NPC1: variants seen among roughly 807,000 people sequenced by gnomAD.
NPC1 encodes the protein NPC intracellular cholesterol transporter 1.
A neutral mutation model predicts 140.4 loss-of-function variants in NPC1; 85 were observed. That is an observed-to-expected ratio of 0.61 (90% CI 0.51 to 0.72). The LOEUF (loss-of-function observed/expected upper bound fraction) is 0.72. Ranked by LOEUF, NPC1 falls within the 30% of genes least tolerant of loss-of-function variation. The pLI is 0.00. For synonymous variants in NPC1, 656 were observed against 624.8 expected, an observed-to-expected ratio of 1.05 and a Z score of -0.74; for missense variants, 1,504 against 1,623.8, an observed-to-expected ratio of 0.93 and a Z score of 1.27.
intron 4 of NPC1, among the ~76,000 whole-genome samples, chr18:23,565,094 A>C (rs2059104052): frequency 6.6e-6 from 1 of 152,142 alleles, no homozygotes; most frequent in Admixed American, 6.5e-5. Context: ...GAGAAGTGTG[A>C]GTCTTCCTAT....
chr18:23,533,862 G>T (rs954997864), intron 23 of NPC1: 8 of 372,458 alleles, frequency 2.1e-5, no homozygotes, highest in Non-Finnish European at 4.1e-5. Context: ...AACCCAGGTA[G>T]CATCATCTAC....
Position 23,544,944 on chromosome 18 carries a change from C to G in NPC1, c.1947+16G>C. 2 of 850,768 alleles carry G rather than the reference C, an allele frequency of 2.4e-6. No individual in the cohort carries two copies. Among genetic ancestry groups the G allele is most frequent in the South Asian group, 1.6e-5 (1 of 63,372 alleles). The allele number at this position is 850,768 out of a possible 1,614,324, so 52.7% of individuals were successfully genotyped here. ...CTGTTAACCTCTAGAACATACACCA[C>G]CCCCCCCCGGCTTACCAGAAGCCTG... On this transcript the variant is annotated intron_variant, in intron 12 of 24. Transcript: ENST00000269228.
rs757537574 is a variant in NPC1 at position 23,560,184 on chromosome 18, G to A, written c.881+47C>T. On this transcript the variant is annotated intron_variant, in intron 6 of 24. Coordinates refer to ENST00000269228, the MANE Select transcript of NPC1 (RefSeq NM_000271.5). ...ACAAATGAAAGCTCAAAGTGCCAGT[G>A]GGCAATTTTGCTCTTTTTGCCCTGG... The A allele has an allele frequency of 3.7e-6, 6 of 1,612,038 alleles. No individual in the cohort carries two copies. The South Asian group carries it at 4.4e-5, about 12-fold the overall frequency.
chr18:23,560,610 T>G, intron 5 of NPC1, 130 bp from the exon 6 acceptor site: 1 of 1,000,848 alleles, frequency 1.0e-6, no homozygotes, highest in Non-Finnish European at 1.5e-6. Context: ...AATTGGAGGT[T>G]TTAGTTTAAT....
In NPC1 at chr18:23,531,742, AG is replaced by A; in HGVS notation, c.*459del. 1 of 1,591,214 alleles carries A rather than the reference AG, an allele frequency of 6.3e-7. No individual in the cohort carries two copies. The highest frequency in any genetic ancestry group is 8.5e-7 in the Non-Finnish European group (1 of 1,173,318). On this transcript the variant is annotated 3_prime_UTR_variant, in exon 25 of 25. Coordinates refer to ENST00000269228, the MANE Select transcript of NPC1 (RefSeq NM_000271.5). ...TTTTTTTATATAAAAATGTGTACAA[AG>A]TTAATTTATTGCATTAATAAAGCTC...
Position 23,533,358 on chromosome 18 carries a change from T to TCA in NPC1, c.3750_3751insTG (p.Ile1251Ter). The TCA allele has an allele frequency of 6.2e-7, 1 of 1,613,690 alleles. No individual in the cohort carries two copies. Among genetic ancestry groups the TCA allele is most frequent in the Non-Finnish European group, 8.5e-7 (1 of 1,179,540 alleles). ...CTTTTAAGATGAGAACTCTTACCTATGTAACTGAGTAAGACAGGGAGAAAT... is the reference window on the plus strand; with the variant it reads ...CTTTTAAGATGAGAACTCTTACCTATCAGTAACTGAGTAAGACAGGGAGAAAT... On this transcript the variant is annotated frameshift_variant, in exon 24 of 25. Transcript: ENST00000269228. LOFTEE classifies it high-confidence loss of function.
Position 23,541,183 on chromosome 18 carries a change from C to T in NPC1, c.2399G>A (p.Cys800Tyr). Reference protein sequence around the residue: ...QEKNRLDIFCCVRGAEDGTSV... With the variant: ...QEKNRLDIFCYVRGAEDGTSV... ...TGTTCCATCTTCAGCACCTCTGACA[C>T]AGCAAAAGATGTCTAGCCGATTTTT... Residue 800 changes from cysteine (C) to tyrosine (Y), a missense_variant, in exon 16 of 25, where the codon TGT (cysteine) becomes TAT (tyrosine). By Grantham distance (194) the Cys-to-Tyr change is radical. Transcript: ENST00000269228. The T allele has an allele frequency of 1.2e-6, 2 of 1,614,216 alleles. No homozygotes were observed. The highest frequency in any genetic ancestry group is 1.6e-4 in the Middle Eastern group (1 of 6,062).
intron 3 of NPC1, 36 bp downstream of exon 3, chr18:23,572,038 A>G (rs757893555): frequency 2.4e-5 from 33 of 1,372,724 alleles, no homozygotes; most frequent in Non-Finnish European, 3.4e-5. Flanking sequence ...ACAAGTATCT[A>G]CAGCCCAGTT....
intron 1 of NPC1, among the ~76,000 whole-genome samples, chr18:23,574,449 A>G (rs1312693149): frequency 6.6e-6 from 1 of 152,134 alleles, no homozygotes; most frequent in South Asian, 2.1e-4. Flanking sequence ...AAGCCATAAA[A>G]AAAAAACAAA....
chr18:23,565,160 A>G (rs1321909674), intron 4 of NPC1, among the ~76,000 whole-genome samples: 1 of 152,188 alleles, frequency 6.6e-6, no homozygotes, highest in Non-Finnish European at 1.5e-5. Context: ...CTTCTATGTG[A>G]ATTTCAGAAT....
At chr18:23,560,142 T>C in intron 6 of NPC1, 89 bp downstream of exon 6, 1 of 1,532,796 alleles carries the variant, frequency 6.5e-7, no homozygotes, top group Non-Finnish European at 9.0e-7. Context: ...TTTCTTGTCC[T>C]AAGTAACCAA....
At chr18:23,559,492 CTTTTTTTT>C (rs57612444) in intron 6 of NPC1, among the ~76,000 whole-genome samples, 1 of 81,454 alleles carries the variant, frequency 1.2e-5, no homozygotes, top group African/African-American at 5.3e-5. Flanking sequence ...TTGACTCTGA[CTTTTTTTT>C]TTTTTTTTTT....
chr18:23,584,702 T>C (rs1344438524), intron 1 of NPC1, among the ~76,000 whole-genome samples: 2 of 151,824 alleles, frequency 1.3e-5, no homozygotes, highest in Non-Finnish European at 2.9e-5. Flanking sequence ...CCACGGAAAA[T>C]ACAAAAATTA....
rs1332752050 is a variant in NPC1, at chr18:23,540,434, G to C, written c.2604+14C>G. 2.1e-6 allele frequency: 3 copies of C among 1,431,886 alleles called. No homozygotes were observed. In the African/African-American group the frequency reaches 4.3e-5, roughly 21 times the overall value. The allele number at this position is 1,431,886 out of a possible 1,614,324, so 88.7% of individuals were successfully genotyped here. On this transcript the variant is annotated intron_variant, in intron 17 of 24. Coordinates refer to ENST00000269228, the MANE Select transcript of NPC1 (RefSeq NM_000271.5). ...AAAGAAGTTAAAAAAAAAAAAAAAA[G>C]GAAGTCATCTTACATCTGGCATCGA... is the stretch of plus-strand genomic sequence containing the variant.
At chr18:23,533,563 A>C (rs1567942937) in intron 23 of NPC1, 46 bp from the exon 24 acceptor site, 1 of 1,568,452 alleles carries the variant, frequency 6.4e-7, no homozygotes, top group Non-Finnish European at 8.8e-7. Flanking sequence ...ACCAACCTGT[A>C]ATTGAACAAA....
chr18:23,579,446 A>C (rs1474280881), intron 1 of NPC1, among the ~76,000 whole-genome samples: 3 of 152,242 alleles, frequency 2.0e-5, no homozygotes, highest in Non-Finnish European at 4.4e-5. Context: ...TCTACCCAGA[A>C]TTTAGTAGTT....
chr18:23,584,618 C>T (rs1567990319), intron 1 of NPC1, among the ~76,000 whole-genome samples: 1 of 152,096 alleles, frequency 6.6e-6, no homozygotes, highest in African/African-American at 2.4e-5. Context: ...ACCTGTAATC[C>T]CCAAAAGAGG....
intron 8 of NPC1, 120 bp downstream of exon 8, chr18:23,556,123 G>C (rs1410576230): frequency 2.2e-6 from 2 of 911,406 alleles, no homozygotes; most frequent in African/African-American, 3.3e-5. Flanking sequence ...TATACGCTAA[G>C]ATTTTCAAGA....
intron 3 of NPC1, chr18:23,509,268 G>A (rs753034758): frequency 1.0e-5 from 15 of 1,430,968 alleles, no homozygotes; most frequent in South Asian, 1.7e-5. Context: ...TCAAGGAATC[G>A]AATTTTACCA....
Sources: allele counts gnomAD v4.1 joint callset (sites outside exome capture counted in the v4.1 genomes callset), GRCh38; gene constraint gnomAD v4.1.1; transcripts MANE v1.5; gene names NCBI Gene and HGNC (gene_info 2026-07-23, HGNC 2026-07-21).